Variants in MYOM3 observed in about 807,000 individuals in gnomAD.
MYOM3 encodes the protein myomesin-3.
In MYOM3, 155 loss-of-function variants were observed where a neutral mutation model predicts 191.7. The observed-to-expected ratio is 0.81, with a 90% CI of 0.71 to 0.92. The LOEUF (loss-of-function observed/expected upper bound fraction) is 0.92, where lower values mean the gene tolerates loss of function less well. Among genes scored for constraint, MYOM3 ranks in the 40% least tolerant of loss-of-function variants. The pLI is 0.00. For missense variants in MYOM3, 1,889 were observed against 1,890.6 expected (o/e 1.00, Z 0.02); for synonymous variants, 757 against 762.9 (o/e 0.99, Z 0.13).
Position 24,082,707 on chromosome 1 carries a change from C to A in MYOM3, c.1978G>T (p.Val660Phe). ...NKPIQGTRFT[V>F]PGLRTGKEYE... ...TCCTTCCCCGTCCTCAGCCCGGGAA[C>A]TGTAAACCTGGGAGAGAAATGTGCA... The change falls in exon 17 of 37, where the codon GTT becomes TTT. Residue 660 changes from valine to phenylalanine, a missense_variant. Coordinates refer to ENST00000374434, the MANE Select transcript of MYOM3 (RefSeq NM_152372.4). 1 of 1,602,638 alleles carries A rather than the reference C, an allele frequency of 6.2e-7. No individual in the cohort carries two copies. The highest frequency in any genetic ancestry group is 8.5e-7 in the Non-Finnish European group (1 of 1,175,814).
At chr1:24,101,094 G>C (rs1474643089) in intron 5 of MYOM3, among the ~76,000 whole-genome samples, 1 of 152,060 alleles carries the variant, frequency 6.6e-6, no homozygotes, top group African/African-American at 2.4e-5. Flanking sequence ...ACAGCAAGCG[G>C]GGACAAGAGT....
At chr1:24,067,405 TCCTTCC>T (rs1557602559) in intron 27 of MYOM3, among the ~76,000 whole-genome samples, 34 of 84,780 alleles carry the variant, frequency 4.0e-4, no homozygotes, top group South Asian at 2.5e-3. Context: ...CTTCCTTCCT[TCCTTCC>T]TTCCTTCCTT....
intron 11 of MYOM3, among the ~76,000 whole-genome samples, chr1:24,091,656 G>A (rs953462212): frequency 6.6e-5 from 10 of 152,166 alleles, no homozygotes; most frequent in South Asian, 4.1e-4. Context: ...CTTTAGAGAC[G>A]GGTCATTGGA....
intron 1 of MYOM3, among the ~76,000 whole-genome samples, chr1:24,110,946 A>G (rs1179719183): frequency 1.3e-5 from 2 of 152,210 alleles, no homozygotes; most frequent in Non-Finnish European, 2.9e-5. Flanking sequence ...CCCTGGCACC[A>G]GCCACTGGCT....
intron 3 of MYOM3, 124 bp downstream of exon 3, chr1:24,107,869 A>T (rs1643997784): frequency 1.3e-6 from 1 of 794,802 alleles, no homozygotes; most frequent in East Asian, 2.5e-5. Flanking sequence ...CTAGACCCTT[A>T]TTCTAGATGT....
chr1:24,062,850 C>T (rs1413103279), intron 32 of MYOM3, among the ~76,000 whole-genome samples: 1 of 152,178 alleles, frequency 6.6e-6, no homozygotes, highest in African/African-American at 2.4e-5. Context: ...ATAGAGTTTC[C>T]AGAAAAATGT....
chr1:24,090,115 A>G lies in MYOM3; in HGVS notation c.1436T>C (p.Ile479Thr). 6.2e-7 allele frequency: 1 copy of G among 1,611,302 alleles called. No individual in the cohort carries two copies. Among genetic ancestry groups the G allele is most frequent in the Non-Finnish European group, 8.5e-7 (1 of 1,177,496 alleles). ...DHDAARRKTE[I>T]PFDLGNKITI... ...GATCTTGTTTCCCAGATCAAAGGGG[A>G]TCTCTAGGATGAGAAGGGAGCATGG... The change falls in exon 13 of 37, where the codon ATC (isoleucine) becomes ACC (threonine). Residue 479 changes from isoleucine to threonine, a missense_variant. By Grantham distance (89) the Ile-to-Thr change is moderately conservative. Coordinates refer to ENST00000374434, the MANE Select transcript of MYOM3 (RefSeq NM_152372.4).
At chr1:24,081,906 C>G in intron 18 of MYOM3, 95 bp downstream of exon 18, 1 of 1,239,660 alleles carries the variant, frequency 8.1e-7, no homozygotes. Context: ...CTTGAGACTT[C>G]TGTCAGCCTC....
intron 35 of MYOM3, among the ~76,000 whole-genome samples, chr1:24,060,378 G>A (rs11590667): frequency 0.043 from 6,552 of 152,278 alleles, 165 homozygotes; most frequent in South Asian, 0.079. Context: ...CACGCAGAGC[G>A]AATTATCCCC....
chr1:24,060,929 C>T (rs929043440), intron 35 of MYOM3, 131 bp downstream of exon 35: 9 of 1,000,860 alleles, frequency 9.0e-6, no homozygotes, highest in South Asian at 1.4e-5. Flanking sequence ...CCCTGCAGCT[C>T]TGTAAGACCC....
In MYOM3 at chr1:24,075,358, A is replaced by G; in HGVS notation, c.2819T>C (p.Leu940Pro). Residue 940 changes from leucine to proline, a missense_variant, in exon 22 of 37, where the codon CTG (leucine) becomes CCG (proline). By Grantham distance (98) the Leu-to-Pro change is moderately conservative. Transcript: ENST00000374434. ...FQWSKDYKGP[L>P]DPQRVKIEDK... is the part of the protein sequence containing the mutation. ...CTCGATCTTGACCCTCTGGGGGTCC[A>G]GTGGGCCCTTGTAGTCTTTGGACCA... 1 of 1,612,984 alleles carries G rather than the reference A, an allele frequency of 6.2e-7. No homozygotes were observed. The highest frequency in any genetic ancestry group is 8.5e-7 in the Non-Finnish European group (1 of 1,179,954).
rs1553158547 is a variant in MYOM3 at position 24,111,376 on chromosome 1, A to ATGGGGGCGGATGGTGGC, written c.-19+638_-19+654dup. Among the ~76,000 whole-genome samples, 1 of 152,174 alleles carries ATGGGGGCGGATGGTGGC rather than the reference A, an allele frequency of 6.6e-6. No homozygotes were observed. Among genetic ancestry groups the ATGGGGGCGGATGGTGGC allele is most frequent in the Non-Finnish European group, 1.5e-5 (1 of 68,020 alleles). Reference sequence around the variant, plus strand: ...AGCCAAGACCCCTCCAGGAGCTGCGATGGGGGCGGATGGTGGCTGGGAGCA... The same window carrying ATGGGGGCGGATGGTGGC: ...AGCCAAGACCCCTCCAGGAGCTGCGATGGGGGCGGATGGTGGCTGGGGGCGGATGGTGGCTGGGAGCA... On this transcript the variant is annotated intron_variant, in intron 1 of 36. Transcript: ENST00000374434. The surrounding 1 kb of genome is among the most constrained non-coding windows in gnomAD (Gnocchi z 4.7).
chr1:24,092,120 C>A, intron 11 of MYOM3, 54 bp downstream of exon 11: 1 of 1,393,406 alleles, frequency 7.2e-7, no homozygotes, highest in Non-Finnish European at 9.4e-7. Context: ...GTGGCTCCCA[C>A]CACCAGACAG....
chr1:24,058,148 C>CA (rs1321991526), intron 36 of MYOM3, among the ~76,000 whole-genome samples: 1 of 152,220 alleles, frequency 6.6e-6, no homozygotes, highest in Admixed American at 6.5e-5. Context: ...ATCAGAATCT[C>CA]AGACCATAAT....
intron 5 of MYOM3, 66 bp from the exon 6 acceptor site, chr1:24,099,841 G>A (rs569064617): frequency 1.7e-5 from 19 of 1,132,156 alleles, no homozygotes; most frequent in Middle Eastern, 2.0e-4. Context: ...GGAGCCTCTC[G>A]GATGGGGATT....
At chr1:24,105,851 A>G (rs1643977982) in intron 5 of MYOM3, 69 bp downstream of exon 5, 1 of 1,433,640 alleles carries the variant, frequency 7.0e-7, no homozygotes, top group South Asian at 1.4e-5. Context: ...TCCTGGCAGA[A>G]GTATTGGATG....
chr1:24,058,792 A>G lies in MYOM3; in HGVS notation c.4050+132T>C, dbSNP rs186849507. The G allele has an allele frequency of 3.2e-5, 22 of 690,782 alleles. No individual in the cohort carries two copies. In the East Asian group the frequency reaches 5.2e-4, roughly 16 times the overall value. The allele number at this position is 690,782 out of a possible 1,614,324, so 42.8% of individuals were successfully genotyped here. ...GTGACTTTCCTTTGTACCACATGTC[A>G]TCAATGAGGTGTGGTCACTTGGCCA... On this transcript the variant is annotated intron_variant, in intron 36 of 36. Coordinates refer to ENST00000374434, the MANE Select transcript of MYOM3 (RefSeq NM_152372.4).
At chr1:24,107,630 C>T (rs1319408269) in intron 3 of MYOM3, among the ~76,000 whole-genome samples, 2 of 152,232 alleles carry the variant, frequency 1.3e-5, no homozygotes, top group East Asian at 1.9e-4. Context: ...CGCCGGCACA[C>T]TCAGAGGCCT....
intron 17 of MYOM3, 200 bp from the exon 18 acceptor site, chr1:24,082,388 G>C: frequency 1.1e-6 from 1 of 886,530 alleles, no homozygotes. Flanking sequence ...CCACCCCCCA[G>C]AGCTGCTCAG....
Sources: gnomAD v4.1 joint callset for allele counts (sites outside exome capture counted in the v4.1 genomes callset) on GRCh38, gnomAD v4.1.1 for gene constraint, Gnocchi (gnomAD v3.1) non-coding constraint, MANE v1.5 for transcripts, NCBI Gene and HGNC (gene_info 2026-07-23, HGNC 2026-07-21) for gene names.